SLC35F4: variants seen among roughly 807,000 people sequenced by gnomAD.
SLC35F4 encodes chromosome 14 open reading frame 36.
In SLC35F4, 24 loss-of-function variants were observed where a neutral mutation model predicts 44.2. The observed-to-expected ratio is 0.54, with a 90% CI of 0.39 to 0.76. The LOEUF (loss-of-function observed/expected upper bound fraction) is 0.76, where lower values mean the gene tolerates loss of function less well. SLC35F4 is among the 30% of genes least tolerant of loss of function. The probability of loss-of-function intolerance (pLI) is 0.00; values close to 1 mark genes in which losing one functional copy is unlikely to be tolerated. For missense variants in SLC35F4, 562 were observed against 586.1 expected, an observed-to-expected ratio of 0.96 and a Z score of 0.42; for synonymous variants, 238 against 223.6, an observed-to-expected ratio of 1.06 and a Z score of -0.57.
intron 1 of SLC35F4, among the ~76,000 whole-genome samples, chr14:57,909,256 TATA>T (rs1352371982): frequency 6.6e-6 from 1 of 152,146 alleles, no homozygotes; most frequent in Non-Finnish European, 1.5e-5. Context: ...GTATATTTGT[TATA>T]ATCAATGAAC....
At chr14:57,600,769 T>C (rs888268351) in intron 1 of SLC35F4, among the ~76,000 whole-genome samples, 3 of 151,550 alleles carry the variant, frequency 2.0e-5, no homozygotes, top group African/African-American at 7.3e-5. Flanking sequence ...AACAGTTATA[T>C]TTCAGCTTAT....
chr14:57,581,678 T>C (rs1034528117), intron 3 of SLC35F4, among the ~76,000 whole-genome samples: 1 of 152,262 alleles, frequency 6.6e-6, no homozygotes, highest in African/African-American at 2.4e-5. Context: ...CTCTGGAGGT[T>C]GCCTGAAAAG....
chr14:57,813,410 T>G (rs985126216), intron 1 of SLC35F4, among the ~76,000 whole-genome samples: 1 of 152,122 alleles, frequency 6.6e-6, no homozygotes, highest in Non-Finnish European at 1.5e-5. Flanking sequence ...GCCTATATGG[T>G]GAAACCCCAT....
At chr14:57,614,263 G>T (rs551543914) in intron 1 of SLC35F4, among the ~76,000 whole-genome samples, 3 of 152,326 alleles carry the variant, frequency 2.0e-5, no homozygotes, top group African/African-American at 7.2e-5. Flanking sequence ...AGTGATTGAG[G>T]AAAAGCAGAT....
chr14:57,577,764 T>G (rs907640426), intron 4 of SLC35F4, among the ~76,000 whole-genome samples: 1 of 152,162 alleles, frequency 6.6e-6, no homozygotes, highest in Non-Finnish European at 1.5e-5. Flanking sequence ...AGAACACCTA[T>G]TTTCAAGGCT....
intron 1 of SLC35F4, among the ~76,000 whole-genome samples, chr14:57,958,775 C>T (rs1038957671): frequency 2.0e-5 from 3 of 152,140 alleles, no homozygotes. Flanking sequence ...AACTCTCATA[C>T]ATTGATGATA....
At position 57,622,237 on chromosome 14, in the gene SLC35F4, A is replaced by T. The variant is rs866740470; in HGVS notation, c.104-28113T>A. ...TGTTGATGGCACTGTAAACTAGTTCAACCACTGTGGAAGTCAGTGTGGCGA... is the reference window on the plus strand; with the variant it reads ...TGTTGATGGCACTGTAAACTAGTTCTACCACTGTGGAAGTCAGTGTGGCGA... On this transcript the variant is annotated intron_variant, in intron 1 of 7. Coordinates refer to ENST00000556826, the MANE Select transcript of SLC35F4 (RefSeq NM_001306087.2). Among the ~76,000 whole-genome samples the T allele has an allele frequency of 2.4e-3, 295 of 124,694 alleles. 1 individual carries two copies. The highest frequency in any genetic ancestry group is 7.5e-3 in the African/African-American group (217 of 29,034). 81.8% of individuals were successfully genotyped at this position (124,694 alleles called of 152,430 possible). A position where few individuals can be genotyped will look rare whatever the true frequency, so the allele number is the denominator to read the frequency against.
intron 1 of SLC35F4, among the ~76,000 whole-genome samples, chr14:57,857,376 G>A (rs1887213242): frequency 6.6e-6 from 1 of 151,962 alleles, no homozygotes; most frequent in African/African-American, 2.4e-5. Flanking sequence ...CAGGTAAAAT[G>A]ATCATAAAAC....
intron 6 of SLC35F4, among the ~76,000 whole-genome samples, chr14:57,568,193 A>G (rs1250580235): frequency 6.6e-6 from 1 of 152,188 alleles, no homozygotes; most frequent in African/African-American, 2.4e-5. Context: ...GCTGCTTGGC[A>G]CTGTACCCAG....
intron 1 of SLC35F4, among the ~76,000 whole-genome samples, chr14:57,797,618 G>A (rs4402474): frequency 7.9e-5 from 12 of 151,890 alleles, no homozygotes; most frequent in Admixed American, 1.3e-4. Flanking sequence ...CACCTAAAAC[G>A]TATATAAATC....
chr14:57,779,889 C>T (rs1254695540), intron 1 of SLC35F4, among the ~76,000 whole-genome samples: 1 of 152,078 alleles, frequency 6.6e-6, no homozygotes, highest in African/African-American at 2.4e-5. Context: ...AACACCCCTT[C>T]GTATTAAAAA....
In SLC35F4 at chr14:57,623,698, A is replaced by T. The variant is rs188313600; in HGVS notation, c.104-29574T>A. Among the ~76,000 whole-genome samples the T allele has an allele frequency of 2.0e-5, 3 of 152,360 alleles. No homozygotes were observed. In the East Asian group the frequency reaches 5.8e-4, roughly 29 times the overall value. On this transcript the variant is annotated intron_variant, in intron 1 of 7. Transcript: ENST00000556826. ...GAAACTGAACAACCTGCCATGAATG[A>T]CTACTGGGTAAATAACAAAATTAAG...
At chr14:57,731,909 T>C (rs145956625) in intron 1 of SLC35F4, among the ~76,000 whole-genome samples, 2 of 152,180 alleles carry the variant, frequency 1.3e-5, no homozygotes, top group African/African-American at 4.8e-5. Flanking sequence ...TGATGAAGTT[T>C]TGATGTCATG....
At chr14:57,599,734 G>T (rs776749744) in intron 1 of SLC35F4, among the ~76,000 whole-genome samples, 10 of 151,290 alleles carry the variant, frequency 6.6e-5, no homozygotes, top group Admixed American at 1.3e-4. Context: ...CCCCGGAGGT[G>T]GAGGTTGCAG....
Position 57,827,521 on chromosome 14 carries a change from T to A in SLC35F4, c.103+38202A>T, listed in dbSNP as rs553227730. ...CCTGGAACTTAAAATAATATTAAATTATTTTTTTAAAAAAAGGACTAATTT... is the reference window on the plus strand; with the variant it reads ...CCTGGAACTTAAAATAATATTAAATAATTTTTTTAAAAAAAGGACTAATTT... On this transcript the variant is annotated intron_variant, in intron 1 of 7. Coordinates refer to ENST00000556826, the MANE Select transcript of SLC35F4 (RefSeq NM_001306087.2). Among the ~76,000 whole-genome samples, 509 of 152,236 alleles carry A rather than the reference T, an allele frequency of 3.3e-3. 5 individuals carry two copies. Among genetic ancestry groups the A allele is most frequent in the African/African-American group, 0.011 (470 of 41,548 alleles).
At chr14:57,720,788 G>A (rs994019007) in intron 1 of SLC35F4, among the ~76,000 whole-genome samples, 1 of 151,740 alleles carries the variant, frequency 6.6e-6, no homozygotes, top group Non-Finnish European at 1.5e-5. Flanking sequence ...ATAAAGCAGG[G>A]AGAAAAATGT....
intron 1 of SLC35F4, among the ~76,000 whole-genome samples, chr14:57,957,261 G>A (rs1394122737): frequency 6.6e-6 from 1 of 152,058 alleles, no homozygotes. Flanking sequence ...GACATAGGGA[G>A]GGGAATATCA....
intron 1 of SLC35F4, among the ~76,000 whole-genome samples, chr14:57,670,547 G>A (rs559628023): frequency 4.0e-4 from 61 of 151,970 alleles, no homozygotes; most frequent in African/African-American, 1.5e-3. Context: ...GTTCTCGTTG[G>A]TTTCAAAGAA....
At chr14:57,744,996 A>G (rs1419383031) in intron 1 of SLC35F4, among the ~76,000 whole-genome samples, 1 of 152,230 alleles carries the variant, frequency 6.6e-6, no homozygotes. Flanking sequence ...TGGGGAAAGG[A>G]TTCCCTGTTT....
Sources: gnomAD v4.1 joint callset for allele counts (sites outside exome capture counted in the v4.1 genomes callset) on GRCh38, gnomAD v4.1.1 for gene constraint, MANE v1.5 for transcripts, NCBI Gene and HGNC (gene_info 2026-07-23, HGNC 2026-07-21) for gene names.